DLGAP2: variants seen among roughly 807,000 people sequenced by gnomAD.
DLGAP2 encodes DLG associated protein 2, also known as disks large-associated protein 2.
Under a neutral mutation model 100.3 loss-of-function variants are expected in DLGAP2, and 26 were observed. The observed-to-expected ratio is 0.26, with a 90% CI of 0.19 to 0.36. DLGAP2 has a LOEUF of 0.36. Ranked by LOEUF, DLGAP2 falls within the 10% of genes least tolerant of loss-of-function variation. The probability of loss-of-function intolerance (pLI) is 1.00; values close to 1 mark genes in which losing one functional copy is unlikely to be tolerated. For synonymous variants in DLGAP2, 886 were observed against 630.1 expected (o/e 1.41, Z -6.08); for missense variants, 1,858 against 1,453.2 (o/e 1.28, Z -4.53).
intron 2 of DLGAP2, among the ~76,000 whole-genome samples, chr8:1,125,682 T>C (rs1235862408): frequency 1.3e-5 from 2 of 152,270 alleles, no homozygotes; most frequent in Non-Finnish European, 1.5e-5. Context: ...GTTTTCTTAC[T>C]AATGAGCTTT....
At chr8:1,336,278 A>C (rs1302097435) in intron 3 of DLGAP2, among the ~76,000 whole-genome samples, 1 of 152,238 alleles carries the variant, frequency 6.6e-6, no homozygotes, top group Non-Finnish European at 1.5e-5. Flanking sequence ...ACAGTCAAGC[A>C]ACTCTGAGAT....
intron 2 of DLGAP2, among the ~76,000 whole-genome samples, chr8:1,180,720 G>A (rs1797366043): frequency 3.3e-5 from 5 of 151,570 alleles, no homozygotes; most frequent in Admixed American, 3.3e-4. Context: ...GTGTGCAAGG[G>A]CAGCACACTT....
chr8:960,233 A>ATTTTTTTTTT (rs1228650565), intron 2 of DLGAP2, among the ~76,000 whole-genome samples: 2 of 8,304 alleles, frequency 2.4e-4, no homozygotes, highest in African/African-American at 8.1e-4. Context: ...TTCCTGAAGT[A>ATTTTTTTTTT]TATCTTTTTT....
At chr8:1,368,280 A>G (rs187028244) in intron 3 of DLGAP2, among the ~76,000 whole-genome samples, 1 of 151,222 alleles carries the variant, frequency 6.6e-6, no homozygotes, top group East Asian at 2.0e-4. Context: ...GTATGTGTGT[A>G]TGTGTGTGTA....
intron 6 of DLGAP2, among the ~76,000 whole-genome samples, chr8:1,591,202 G>T (rs539453450): frequency 6.6e-6 from 1 of 152,076 alleles, no homozygotes; most frequent in Non-Finnish European, 1.5e-5. Flanking sequence ...TCAAAGTTCT[G>T]TTCTTCCCTT....
At chr8:1,356,827 G>A (rs772413239) in intron 3 of DLGAP2, among the ~76,000 whole-genome samples, 1 of 152,170 alleles carries the variant, frequency 6.6e-6, no homozygotes, top group Admixed American at 6.5e-5. Flanking sequence ...CGTTTGCCAC[G>A]ATGTAACACT....
chr8:1,697,917 T>C (rs139042620), intron 14 of DLGAP2, among the ~76,000 whole-genome samples: 86 of 152,318 alleles, frequency 5.6e-4, no homozygotes, highest in African/African-American at 1.8e-3. Flanking sequence ...TAGTAGATAG[T>C]TCTGAGTTAG....
chr8:1,257,759 G>A (rs78724705), intron 2 of DLGAP2, among the ~76,000 whole-genome samples: 7,735 of 151,858 alleles, frequency 0.051, 389 homozygotes, highest in African/African-American at 0.13. Context: ...TGGAAGAGCC[G>A]GTGTCCTCCC....
At chr8:951,410 A>G (rs1161599873) in intron 2 of DLGAP2, among the ~76,000 whole-genome samples, 2 of 151,888 alleles carry the variant, frequency 1.3e-5, no homozygotes, top group East Asian at 3.9e-4. Flanking sequence ...ACACCTGGCT[A>G]TTTTTTTGTT....
At chr8:1,293,999 C>T (rs568957095) in intron 3 of DLGAP2, among the ~76,000 whole-genome samples, 23 of 152,298 alleles carry the variant, frequency 1.5e-4, no homozygotes, top group African/African-American at 5.3e-4. Context: ...CCCGGGGTCT[C>T]GGAGCCCACA....
intron 1 of DLGAP2, among the ~76,000 whole-genome samples, chr8:763,811 A>G (rs538702343): frequency 6.6e-6 from 1 of 152,240 alleles, no homozygotes; most frequent in Non-Finnish European, 1.5e-5. Flanking sequence ...AATGAAAAGA[A>G]TGAGGCAAAC....
chr8:1,669,823 A>G (rs370894195), intron 10 of DLGAP2, 39 bp downstream of exon 10: 7 of 780,810 alleles, frequency 9.0e-6, no homozygotes, highest in Non-Finnish European at 1.4e-5. Context: ...CGTCCGCATG[A>G]CTTTCATTTT....
Position 1,273,116 on chromosome 8 carries a change from T to G in DLGAP2, c.106+14233T>G, listed in dbSNP as rs539400631. On this transcript the variant is annotated intron_variant, in intron 3 of 14. Coordinates refer to ENST00000637795, the MANE Select transcript of DLGAP2 (RefSeq NM_001346810.2). ...GGCCCATTCTTATGATAAAAATGAGTAAATAGTAGCTGTGGATAGCTATGC... is the reference window on the plus strand; with the variant it reads ...GGCCCATTCTTATGATAAAAATGAGGAAATAGTAGCTGTGGATAGCTATGC... Among the ~76,000 whole-genome samples the G allele has an allele frequency of 2.8e-3, 424 of 152,072 alleles. 1 individual carries two copies. Among genetic ancestry groups the G allele is most frequent in the African/African-American group, 9.8e-3 (407 of 41,462 alleles).
At chr8:819,281 A>G (rs928749518) in intron 1 of DLGAP2, among the ~76,000 whole-genome samples, 3 of 152,238 alleles carry the variant, frequency 2.0e-5, no homozygotes, top group African/African-American at 7.2e-5. Flanking sequence ...CCTCATGACT[A>G]TATCAATAGA....
chr8:958,046 C>T lies in DLGAP2; in HGVS notation c.73+50080C>T, dbSNP rs571069686. On this transcript the variant is annotated intron_variant, in intron 2 of 14. Coordinates refer to ENST00000637795, the MANE Select transcript of DLGAP2 (RefSeq NM_001346810.2). ...CATTAAACAGCAGCCCTCGCTAACC[C>T]ACCCCCAGCCCCTGGCAGCCTCTGT... Among the ~76,000 whole-genome samples the T allele has an allele frequency of 1.1e-3, 173 of 152,286 alleles. 1 individual carries two copies. The highest frequency in any genetic ancestry group is 4.0e-3 in the African/African-American group (166 of 41,570).
At chr8:1,659,827 A>G (rs191475960) in intron 8 of DLGAP2, among the ~76,000 whole-genome samples, 1 of 152,256 alleles carries the variant, frequency 6.6e-6, no homozygotes, top group East Asian at 1.9e-4. Context: ...TAACTGGGGC[A>G]TTTAGCCTGT....
chr8:1,410,818 T>A (rs77445949), intron 3 of DLGAP2, among the ~76,000 whole-genome samples: 1,816 of 151,002 alleles, frequency 0.012, 39 homozygotes, highest in African/African-American at 0.042. Flanking sequence ...ATGTCCTTGC[T>A]TCACTCTGGA....
At chr8:1,420,935 G>A (rs562686679) in intron 3 of DLGAP2, among the ~76,000 whole-genome samples, 5 of 152,214 alleles carry the variant, frequency 3.3e-5, no homozygotes, top group South Asian at 2.1e-4. Context: ...TTAATCATTC[G>A]ATTGGCTGTT....
intron 2 of DLGAP2, among the ~76,000 whole-genome samples, chr8:1,191,593 A>C (rs915650105): frequency 6.6e-6 from 1 of 152,228 alleles, no homozygotes; most frequent in Non-Finnish European, 1.5e-5. Flanking sequence ...CTTACATAGA[A>C]CAAGACAGGC....
Sources: allele counts gnomAD v4.1 joint callset (sites outside exome capture counted in the v4.1 genomes callset), GRCh38; gene constraint gnomAD v4.1.1; transcripts MANE v1.5; gene names NCBI Gene and HGNC (gene_info 2026-07-23, HGNC 2026-07-21).